Variants in HS3ST4 observed in about 807,000 individuals in gnomAD.
HS3ST4 encodes the protein heparan sulfate glucosamine 3-O-sulfotransferase 4.
HS3ST4 carries 17 observed loss-of-function variants against 29.2 expected under a neutral mutation model. The ratio of observed to expected loss-of-function variants is 0.58; its 90% CI spans 0.40 to 0.87. The LOEUF is 0.87. HS3ST4 is among the 40% of genes least tolerant of loss of function. HS3ST4 has a pLI of 0.00. For synonymous variants in HS3ST4, 314 were observed against 285.7 expected (o/e 1.10, Z -1.00); for missense variants, 627 against 634.5 (o/e 0.99, Z 0.13).
At chr16:25,748,644 G>T (rs531770978) in intron 1 of HS3ST4, among the ~76,000 whole-genome samples, 5 of 152,254 alleles carry the variant, frequency 3.3e-5, no homozygotes, top group Admixed American at 2.6e-4. Context: ...TATGCAAAAA[G>T]GGTTTATCTC....
intron 1 of HS3ST4, among the ~76,000 whole-genome samples, chr16:25,957,898 T>C (rs4442816): frequency 0.068 from 10,316 of 152,090 alleles, 485 homozygotes; most frequent in Non-Finnish European, 0.091. Context: ...CAGGTGGCTG[T>C]TGGCTGGTGT....
chr16:25,947,601 G>A (rs182724857), intron 1 of HS3ST4, among the ~76,000 whole-genome samples: 5 of 152,072 alleles, frequency 3.3e-5, no homozygotes, highest in East Asian at 1.9e-4. Flanking sequence ...AACCACAAAC[G>A]CCCATTTATA....
chr16:26,042,130 C>T (rs537913252), intron 1 of HS3ST4, among the ~76,000 whole-genome samples: 8 of 152,274 alleles, frequency 5.3e-5, no homozygotes, highest in East Asian at 1.9e-4. Context: ...CTGTGCCCCC[C>T]GCCTGCCTTA....
chr16:25,733,858 C>G (rs1966588523), intron 1 of HS3ST4, among the ~76,000 whole-genome samples: 1 of 152,184 alleles, frequency 6.6e-6, no homozygotes. Flanking sequence ...GTGGCTCACG[C>G]CTGTAATCTC....
At chr16:25,721,405 C>G (rs1482260786) in intron 1 of HS3ST4, among the ~76,000 whole-genome samples, 2 of 151,992 alleles carry the variant, frequency 1.3e-5, no homozygotes, top group African/African-American at 4.8e-5. Context: ...ACATTTTTTT[C>G]CTTTTCATTT....
chr16:26,075,065 C>A (rs773444457), intron 1 of HS3ST4, among the ~76,000 whole-genome samples: 1 of 152,084 alleles, frequency 6.6e-6, no homozygotes, highest in Non-Finnish European at 1.5e-5. Context: ...TGGTGGTACG[C>A]GCCTGTAGTC....
chr16:25,918,244 G>A (rs1191888217), intron 1 of HS3ST4, among the ~76,000 whole-genome samples: 1 of 152,094 alleles, frequency 6.6e-6, no homozygotes, highest in African/African-American at 2.4e-5. Flanking sequence ...CAAGTAATAC[G>A]TGCACAAGGA....
chr16:26,073,227 GC>G (rs1329701938), intron 1 of HS3ST4, among the ~76,000 whole-genome samples: 2 of 152,168 alleles, frequency 1.3e-5, no homozygotes, highest in Non-Finnish European at 2.9e-5. Context: ...AAAGAATGCA[GC>G]CCCCTCTTAC....
At chr16:25,693,206 G>C in intron 1 of HS3ST4, 55 bp downstream of exon 1, 1 of 1,477,682 alleles carries the variant, frequency 6.8e-7, no homozygotes, top group Non-Finnish European at 9.0e-7. Flanking sequence ...ACGCGGAGGG[G>C]AAGCCGCGGC....
rs143517631 is a variant in HS3ST4, at chr16:25,766,351, G to A, written c.734+73200G>A. 7.2e-5 allele frequency among the ~76,000 whole-genome samples: 11 copies of A among 152,174 alleles called. No homozygotes were observed. The East Asian group carries it at 1.9e-3, about 27-fold the overall frequency. On this transcript the variant is annotated intron_variant, in intron 1 of 1. Coordinates refer to ENST00000331351, the MANE Select transcript of HS3ST4 (RefSeq NM_006040.3). ...ATCAGTACAGAAGGAATTGTAGAAGGAGTATTTCTACCCAGGGACAAATGA... is the reference window on the plus strand; with the variant it reads ...ATCAGTACAGAAGGAATTGTAGAAGAAGTATTTCTACCCAGGGACAAATGA...
chr16:26,129,813 C>T (rs1266611695), intron 1 of HS3ST4, among the ~76,000 whole-genome samples: 1 of 152,188 alleles, frequency 6.6e-6, no homozygotes, highest in Non-Finnish European at 1.5e-5. Flanking sequence ...AGTCTAGCTT[C>T]AGAATTTGCA....
intron 1 of HS3ST4, among the ~76,000 whole-genome samples, chr16:25,887,319 A>G (rs373430391): frequency 1.8e-4 from 28 of 152,228 alleles, no homozygotes; most frequent in African/African-American, 6.7e-4. Context: ...AGGGAAGGGA[A>G]AATAGGGGTG....
chr16:25,972,396 G>A (rs1223432447), intron 1 of HS3ST4, among the ~76,000 whole-genome samples: 2 of 152,148 alleles, frequency 1.3e-5, no homozygotes, highest in Non-Finnish European at 2.9e-5. Flanking sequence ...TGCATTCAAG[G>A]TGCTAACCAG....
chr16:26,039,719 A>G (rs1596659532), intron 1 of HS3ST4, among the ~76,000 whole-genome samples: 2 of 150,614 alleles, frequency 1.3e-5, no homozygotes, highest in Admixed American at 6.6e-5. Context: ...AAGCATCTCC[A>G]CCTCCCCCCA....
chr16:25,703,835 G>A (rs1433251351), intron 1 of HS3ST4, among the ~76,000 whole-genome samples: 2 of 152,108 alleles, frequency 1.3e-5, no homozygotes, highest in Non-Finnish European at 2.9e-5. Context: ...TCCTTTAGGT[G>A]TTGGCTGAAA....
rs1384221933 is a variant in HS3ST4, at chr16:25,805,870, G to A, written c.734+112719G>A. 5.3e-5 allele frequency among the ~76,000 whole-genome samples: 8 copies of A among 151,846 alleles called. No homozygotes were observed. The South Asian group carries it at 1.0e-3, about 20-fold the overall frequency. On this transcript the variant is annotated intron_variant, in intron 1 of 1. Coordinates refer to ENST00000331351, the MANE Select transcript of HS3ST4 (RefSeq NM_006040.3). The stretch of plus-strand genomic sequence containing the variant: ...CCCTCCCCTCAGGACCCCACTCCCC[G>A]ACGGGCCCCATTGTGTGTTTTTCCC...
chr16:26,073,397 C>G (rs1898624224), intron 1 of HS3ST4, among the ~76,000 whole-genome samples: 1 of 151,828 alleles, frequency 6.6e-6, no homozygotes, highest in Admixed American at 6.6e-5. Flanking sequence ...TTTTCTGTGA[C>G]AGGGTCTCAC....
At chr16:25,992,354 A>T (rs985813795) in intron 1 of HS3ST4, among the ~76,000 whole-genome samples, 3 of 152,244 alleles carry the variant, frequency 2.0e-5, no homozygotes, top group African/African-American at 7.2e-5. Flanking sequence ...GACATGGATG[A>T]TGTCCAGCAA....
chr16:25,881,712 C>T (rs539931730), intron 1 of HS3ST4, among the ~76,000 whole-genome samples: 41 of 152,030 alleles, frequency 2.7e-4, no homozygotes, highest in Non-Finnish European at 3.4e-4. Flanking sequence ...GGTCACTTGG[C>T]TTCCTAGATG....
Sources: allele counts gnomAD v4.1 joint callset (sites outside exome capture counted in the v4.1 genomes callset), GRCh38; gene constraint gnomAD v4.1.1; transcripts MANE v1.5; gene names NCBI Gene and HGNC (gene_info 2026-07-23, HGNC 2026-07-21).